The following MRAS variants were observed in gnomAD, a reference collection of about 807,000 sequenced individuals.
The protein encoded by MRAS is ras-related protein M-Ras.
In MRAS, 4 loss-of-function variants were observed where a neutral mutation model predicts 20.9. The observed-to-expected ratio is 0.19, with a 90% confidence interval of 0.09 to 0.44. MRAS has a LOEUF of 0.44. MRAS is among the 20% of genes least tolerant of loss of function. The pLI, the probability that MRAS is intolerant of heterozygous loss-of-function variation, is 0.99. For synonymous variants in MRAS, 98 were observed against 102.9 expected (o/e 0.95, Z 0.29); for missense variants, 154 against 277.5 (o/e 0.56, Z 3.16).
At chr3:138,367,323 C>T (rs914162210) in intron 1 of MRAS, among the ~76,000 whole-genome samples, 5 of 152,212 alleles carry the variant, frequency 3.3e-5, no homozygotes, top group African/African-American at 1.2e-4. Flanking sequence ...AAACTGGGCA[C>T]CAGGAAGTTA....
intron 1 of MRAS, among the ~76,000 whole-genome samples, chr3:138,357,702 C>T (rs2054363964): frequency 6.6e-6 from 1 of 152,222 alleles, no homozygotes; most frequent in South Asian, 2.1e-4. Context: ...TCCACTTTGC[C>T]CCATGTGCAT....
intron 1 of MRAS, among the ~76,000 whole-genome samples, chr3:138,365,978 T>G (rs1421900375): frequency 6.6e-6 from 1 of 152,162 alleles, no homozygotes; most frequent in Non-Finnish European, 1.5e-5. Flanking sequence ...GGTGGCTTTC[T>G]AGAGTAGTTG....
intron 1 of MRAS, among the ~76,000 whole-genome samples, chr3:138,353,294 G>C (rs765248039): frequency 2.0e-5 from 3 of 152,162 alleles, no homozygotes; most frequent in Non-Finnish European, 4.4e-5. Flanking sequence ...GTGGTTTTCA[G>C]ATTAAGCTAG....
chr3:138,394,180 G>A (rs541846960), intron 2 of MRAS, among the ~76,000 whole-genome samples: 52 of 151,750 alleles, frequency 3.4e-4, no homozygotes, highest in Non-Finnish European at 4.6e-4. Flanking sequence ...GAAACTGCCC[G>A]GTCCTTGGCT....
intron 2 of MRAS, among the ~76,000 whole-genome samples, chr3:138,380,556 C>T (rs529417685): frequency 7.2e-5 from 11 of 152,250 alleles, no homozygotes; most frequent in African/African-American, 2.4e-4. Flanking sequence ...GGTGATCCAC[C>T]CACCTCGGCC....
chr3:138,349,933 G>A (rs781536829), intron 1 of MRAS: 1 of 152,232 alleles, frequency 6.6e-6, no homozygotes, highest in Non-Finnish European at 1.5e-5. Flanking sequence ...AAAGGATGGA[G>A]GAACTGGGGT....
Position 138,402,308 on chromosome 3 carries a change from C to A in MRAS, c.*39C>A. ...CTGGGCACAGTGACGGTGGCCTGGC[C>A]AGCCCTCGGGACCCCTCCCCACCTA... On this transcript the variant is annotated 3_prime_UTR_variant, in exon 6 of 6. Transcript: ENST00000423968. 5 of 1,569,856 alleles carry A rather than the reference C, an allele frequency of 3.2e-6. No homozygotes were observed. The highest frequency in any genetic ancestry group is 4.4e-6 in the Non-Finnish European group (5 of 1,141,372).
chr3:138,378,521 C>T (rs570280152), intron 2 of MRAS, among the ~76,000 whole-genome samples: 2 of 152,292 alleles, frequency 1.3e-5, no homozygotes, highest in Admixed American at 6.5e-5. Flanking sequence ...CGTCTGGTCC[C>T]TGCTTCTCCA....
At chr3:138,400,448 C>T (rs916010732) in intron 4 of MRAS, 86 bp from the exon 5 acceptor site, 34 of 1,295,952 alleles carry the variant, frequency 2.6e-5, no homozygotes, top group Non-Finnish European at 3.6e-5. Context: ...ACCTGGGTTC[C>T]TCAGAACCTC....
chr3:138,375,306 T>C (rs978601925), intron 2 of MRAS, among the ~76,000 whole-genome samples: 5 of 152,250 alleles, frequency 3.3e-5, no homozygotes, highest in South Asian at 2.1e-4. Context: ...ACAATTCTTA[T>C]GTCTGTGTTC....
At chr3:138,389,814 C>G (rs1576378482) in intron 2 of MRAS, among the ~76,000 whole-genome samples, 1 of 152,006 alleles carries the variant, frequency 6.6e-6, no homozygotes, top group East Asian at 1.9e-4. Context: ...TGGCATAGTG[C>G]TGGCTGCCAG....
intron 1 of MRAS, among the ~76,000 whole-genome samples, chr3:138,366,349 T>C (rs957708370): frequency 3.2e-4 from 49 of 152,364 alleles, no homozygotes; most frequent in African/African-American, 1.0e-3. Flanking sequence ...TCCATTCACT[T>C]TCCTAAGAGC....
chr3:138,390,336 G>A (rs576905953), intron 2 of MRAS, among the ~76,000 whole-genome samples: 29 of 152,238 alleles, frequency 1.9e-4, no homozygotes, highest in African/African-American at 4.8e-4. Flanking sequence ...TTGGAGCATC[G>A]CAGACAGATG....
chr3:138,379,033 A>G (rs2054844358), intron 2 of MRAS, among the ~76,000 whole-genome samples: 1 of 152,196 alleles, frequency 6.6e-6, no homozygotes, highest in South Asian at 2.1e-4. Context: ...TATTGGGAAC[A>G]TTACAATTCT....
intron 1 of MRAS, chr3:138,349,464 C>A (rs891158626): frequency 2.6e-5 from 4 of 152,382 alleles, no homozygotes; most frequent in African/African-American, 9.7e-5. Flanking sequence ...AGAAGGCCGC[C>A]TAGAGGAGTT....
chr3:138,369,359 G>C (rs1431992306), intron 1 of MRAS, among the ~76,000 whole-genome samples: 2 of 152,194 alleles, frequency 1.3e-5, no homozygotes, highest in African/African-American at 4.8e-5. Flanking sequence ...GCAGTGCCTG[G>C]TGCTGACCCA....
chr3:138,361,947 A>C (rs1392426742), intron 1 of MRAS, among the ~76,000 whole-genome samples: 1 of 152,214 alleles, frequency 6.6e-6, no homozygotes, highest in African/African-American at 2.4e-5. Flanking sequence ...CTCTTTCCTC[A>C]GCTGCCACTC....
chr3:138,350,097 G>A (rs1441171636), intron 1 of MRAS: 1 of 152,198 alleles, frequency 6.6e-6, no homozygotes, highest in African/African-American at 2.4e-5. Context: ...TCACTGGTGG[G>A]TTGAAGTGTG....
At position 138,402,170 on chromosome 3, in the gene MRAS, G is replaced by C. The variant is rs2108570151; in HGVS notation, c.528G>C (p.Arg176Ser). 1 of 1,614,118 alleles carries C rather than the reference G, an allele frequency of 6.2e-7. No homozygotes were observed. Among genetic ancestry groups the C allele is most frequent in the South Asian group, 1.1e-5 (1 of 91,078 alleles). ...KAFHDLVRVI[R>S]QQIPEKSQKK... is the part of the protein sequence containing the mutation. ...TTTCTGTCCTTCATTGTTTCAAAAG[G>C]CAACAGATTCCGGAAAAAAGCCAGA... The change falls in exon 6 of 6, where the codon AGG becomes AGC. Residue 176 changes from arginine (R) to serine (S), a missense_variant and splice_region_variant. Physicochemically the swap from Arg to Ser is moderately radical, Grantham distance 110. Transcript: ENST00000423968.
Sources: gnomAD v4.1 joint callset for allele counts (sites outside exome capture counted in the v4.1 genomes callset) on GRCh38, gnomAD v4.1.1 for gene constraint, MANE v1.5 for transcripts, NCBI Gene and HGNC (gene_info 2026-07-23, HGNC 2026-07-21) for gene names.